Variants in CYP2J2 observed in about 807,000 individuals in gnomAD.
The protein encoded by CYP2J2 is cytochrome P450 2J2.
In CYP2J2, 41 loss-of-function variants were observed where a neutral mutation model predicts 48.8. The ratio of observed to expected loss-of-function variants is 0.84; its 90% CI spans 0.66 to 1.09. CYP2J2 has a LOEUF of 1.09. Among genes scored for constraint, CYP2J2 ranks in the 50% least tolerant of loss-of-function variants. The probability of loss-of-function intolerance (pLI) is 0.00; values close to 1 mark genes in which losing one functional copy is unlikely to be tolerated. For missense variants in CYP2J2, 644 were observed against 617.3 expected (o/e 1.04, Z -0.46); for synonymous variants, 221 against 227.1 (o/e 0.97, Z 0.24).
At chr1:59,905,519 T>TG (rs1229545679) in intron 6 of CYP2J2, among the ~76,000 whole-genome samples, 7 of 152,210 alleles carry the variant, frequency 4.6e-5, no homozygotes, top group African/African-American at 2.4e-5. Flanking sequence ...AAATTTGGGC[T>TG]GGGGTGGGCC....
At chr1:59,956,264 A>C in the CYP2J2 span, among the ~76,000 whole-genome samples, 2 of 152,176 alleles carry the variant, frequency 1.3e-5, no homozygotes, top group Non-Finnish European at 2.9e-5. Context: ...TTCAAATAAA[A>C]AGTAAAGAGA....
rs149502114 is a variant in CYP2J2, at chr1:59,926,741, G to A, written c.6C>T (p.Leu2=). 2.0e-3 allele frequency: 3,160 copies of A among 1,612,672 alleles called. 3 individuals carry two copies. Among genetic ancestry groups the A allele is most frequent in the Non-Finnish European group, 2.5e-3 (2,932 of 1,179,454 alleles). Residue 2 remains leucine (L), a synonymous_variant, in exon 1 of 9, where the codon CTC becomes CTT. Coordinates refer to ENST00000371204, the MANE Select transcript of CYP2J2 (RefSeq NM_000775.4). The stretch of plus-strand genomic sequence containing the variant: ...CAGCCGCCAGAGAGCCCATCGCCGC[G>A]AGCATGGCTCAGACGTCCTCCTGCT... The part of the protein sequence containing the change: M[L]AAMGSLAAAL...
the CYP2J2 span, among the ~76,000 whole-genome samples, chr1:59,967,147 G>A: frequency 6.6e-6 from 1 of 152,124 alleles, no homozygotes; most frequent in East Asian, 1.9e-4. Flanking sequence ...AAGCTTACAC[G>A]AGTTTTAAGA....
the CYP2J2 span, among the ~76,000 whole-genome samples, chr1:59,960,953 C>T: frequency 1.3e-5 from 2 of 152,120 alleles, no homozygotes; most frequent in Non-Finnish European, 2.9e-5. Flanking sequence ...AAAAGGATGA[C>T]TTTTGACCTC....
At chr1:59,942,034 C>T in the CYP2J2 span, among the ~76,000 whole-genome samples, 11 of 152,262 alleles carry the variant, frequency 7.2e-5, no homozygotes, top group South Asian at 2.1e-4. Context: ...GTGTTGCAAG[C>T]GCCATTCGTG....
the CYP2J2 span, among the ~76,000 whole-genome samples, chr1:59,945,037 T>C: frequency 6.6e-6 from 1 of 152,162 alleles, no homozygotes; most frequent in Non-Finnish European, 1.5e-5. Flanking sequence ...ATAGTATTTT[T>C]ACCATGTAGA....
chr1:59,949,527 TC>T, the CYP2J2 span, among the ~76,000 whole-genome samples: 1 of 152,176 alleles, frequency 6.6e-6, no homozygotes, highest in African/African-American at 2.4e-5. Flanking sequence ...TTCATGGAGT[TC>T]AAAAAATGTT....
At chr1:59,899,417 C>A (rs1644297597) in intron 8 of CYP2J2, among the ~76,000 whole-genome samples, 1 of 152,198 alleles carries the variant, frequency 6.6e-6, no homozygotes, top group Non-Finnish European at 1.5e-5. Context: ...TAAGGCAACA[C>A]AGCACAGGGG....
chr1:59,968,865 GGTGA>G, the CYP2J2 span, among the ~76,000 whole-genome samples: 1 of 152,194 alleles, frequency 6.6e-6, no homozygotes, highest in African/African-American at 2.4e-5. Context: ...GGACCCTCGC[GGTGA>G]GTGTTATAGC....
the CYP2J2 span, among the ~76,000 whole-genome samples, chr1:59,938,851 G>A: frequency 1.2e-4 from 18 of 152,234 alleles, no homozygotes; most frequent in South Asian, 2.1e-4. Context: ...AGGTCCCTGC[G>A]GCTTTCCGCA....
chr1:59,965,555 A>T, the CYP2J2 span, among the ~76,000 whole-genome samples: 1 of 152,154 alleles, frequency 6.6e-6, no homozygotes, highest in South Asian at 2.1e-4. Context: ...CCTTTCCTGC[A>T]CTTGCTGTGT....
Position 59,916,091 on chromosome 1 carries a change from T to G in CYP2J2, c.220A>C (p.Lys74Gln). The G allele has an allele frequency of 6.2e-7, 1 of 1,607,950 alleles. No individual in the cohort carries two copies. Among genetic ancestry groups the G allele is most frequent in the Non-Finnish European group, 8.5e-7 (1 of 1,177,728 alleles). Residue 74 changes from lysine to glutamine, a missense_variant, in exon 2 of 9, where the codon AAA becomes CAA. Coordinates refer to ENST00000371204, the MANE Select transcript of CYP2J2 (RefSeq NM_000775.4). ...SHLEVQLFVK[K>Q]YGNLFSLELG... ...TCCAAGCTAAAAAGGTTCCCATATT[T>G]CTTCACAAACTGAAAAATAGTTAAA...
chr1:59,907,296 G>A (rs11572282), intron 6 of CYP2J2, among the ~76,000 whole-genome samples: 179 of 152,266 alleles, frequency 1.2e-3, no homozygotes, highest in Non-Finnish European at 2.1e-3. Flanking sequence ...CGACATAGAG[G>A]CATAAATATA....
Position 59,904,970 on chromosome 1 carries a change from A to G in CYP2J2, c.1092T>C (p.Ala364=). The G allele has an allele frequency of 1.9e-6, 3 of 1,613,858 alleles. No individual in the cohort carries two copies. Among genetic ancestry groups the G allele is most frequent in the Non-Finnish European group, 8.5e-7 (1 of 1,179,916 alleles). ...CCATTCTCTGCACCTCATGGATGAC[A>G]GCATTGGTGTAGGGCATGGACTCCC... ...AARESMPYTN[A]VIHEVQRMGN... Residue 364 remains alanine, a synonymous_variant, in exon 7 of 9, where the codon GCT becomes GCC. Transcript: ENST00000371204.
chr1:59,907,920 C>T lies in CYP2J2; in HGVS notation c.869G>A (p.Gly290Asp), dbSNP rs373088300. 8.8e-5 allele frequency: 142 copies of T among 1,613,766 alleles called. No homozygotes were observed. The highest frequency in any genetic ancestry group is 8.2e-4 in the Middle Eastern group (5 of 6,084). Residue 290 changes from glycine to aspartate, a missense_variant, in exon 6 of 9, where the codon GGC becomes GAC. Coordinates refer to ENST00000371204, the MANE Select transcript of CYP2J2 (RefSeq NM_000775.4). The part of the protein sequence containing the change: ...AYLKEMSKHT[G>D]NPTSSFHEEN... ...TTCATGGAAACTTGAAGTAGGATTG[C>T]CTGTGTGCTAGAAAACACAATGTTT...
chr1:59,916,207 CTG>C, intron 1 of CYP2J2, 107 bp from the exon 2 acceptor site: 1 of 888,654 alleles, frequency 1.1e-6, no homozygotes. Context: ...GTGCGTGTGT[CTG>C]TGTCTGTGTG....
At chr1:59,940,697 A>G in the CYP2J2 span, among the ~76,000 whole-genome samples, 1 of 152,264 alleles carries the variant, frequency 6.6e-6, no homozygotes, top group African/African-American at 2.4e-5. Flanking sequence ...TAGCAAACAT[A>G]TGAAATCAAT....
At chr1:59,934,791 G>A in the CYP2J2 span, among the ~76,000 whole-genome samples, 1 of 151,362 alleles carries the variant, frequency 6.6e-6, no homozygotes, top group African/African-American at 2.4e-5. Flanking sequence ...TATGAAATAT[G>A]GAGTTTCTTT....
intron 6 of CYP2J2, 79 bp from the exon 7 acceptor site, chr1:59,905,137 G>A: frequency 1.5e-6 from 2 of 1,378,070 alleles, no homozygotes; most frequent in Non-Finnish European, 2.0e-6. Context: ...TCTCCAAGAT[G>A]TCATCTGTTG....
Sources: allele counts gnomAD v4.1 joint callset (sites outside exome capture counted in the v4.1 genomes callset), GRCh38; gene constraint gnomAD v4.1.1; transcripts MANE v1.5; gene names NCBI Gene and HGNC (gene_info 2026-07-23, HGNC 2026-07-21).